ANKIB1: variants seen among roughly 807,000 people sequenced by gnomAD.
ANKIB1 encodes ankyrin repeat and IBR domain containing 1.
Under a neutral mutation model 122.1 loss-of-function variants are expected in ANKIB1, and 43 were observed. The observed-to-expected ratio is 0.35, with a 90% CI of 0.28 to 0.45. The LOEUF (loss-of-function observed/expected upper bound fraction) is 0.45. Ranked by LOEUF, ANKIB1 falls within the 20% of genes least tolerant of loss-of-function variation. The pLI is 1.00. For missense variants in ANKIB1, 992 were observed against 1,329.5 expected (o/e 0.75, Z 3.95); for synonymous variants, 390 against 442.0 (o/e 0.88, Z 1.48).
chr7:92,368,680 C>G (rs1028937628), intron 10 of ANKIB1, among the ~76,000 whole-genome samples: 1 of 151,008 alleles, frequency 6.6e-6, no homozygotes, highest in Non-Finnish European at 1.5e-5. Flanking sequence ...GAGATCATGC[C>G]ATTGCACTCC....
intron 5 of ANKIB1, among the ~76,000 whole-genome samples, chr7:92,333,865 G>A (rs562378853): frequency 9.2e-5 from 14 of 152,182 alleles, no homozygotes; most frequent in Admixed American, 4.6e-4. Context: ...TTATTAAAAA[G>A]TAGCATAATG....
intron 3 of ANKIB1, among the ~76,000 whole-genome samples, chr7:92,309,418 G>T (rs1028601858): frequency 5.3e-5 from 8 of 152,112 alleles, no homozygotes; most frequent in Non-Finnish European, 1.0e-4. Context: ...ATTCACTGTG[G>T]TGGAAGAATC....
intron 15 of ANKIB1, 147 bp from the exon 16 acceptor site, chr7:92,391,019 T>C: frequency 2.0e-6 from 1 of 511,440 alleles, no homozygotes. Flanking sequence ...AAATAGAAAA[T>C]ATATTACATA....
At chr7:92,256,383 T>G (rs1478628209) in intron 1 of ANKIB1, among the ~76,000 whole-genome samples, 2 of 152,230 alleles carry the variant, frequency 1.3e-5, no homozygotes, top group African/African-American at 4.8e-5. Context: ...GGGTGGGATC[T>G]GGAAGCAAGG....
At chr7:92,314,068 C>A (rs143386540) in intron 3 of ANKIB1, among the ~76,000 whole-genome samples, 1 of 151,960 alleles carries the variant, frequency 6.6e-6, no homozygotes, top group African/African-American at 2.4e-5. Context: ...TTGGCCGAGG[C>A]GGGAGCGTAT....
chr7:92,292,866 T>C (rs1434881229), intron 1 of ANKIB1, among the ~76,000 whole-genome samples: 9 of 152,242 alleles, frequency 5.9e-5, no homozygotes, highest in Admixed American at 5.9e-4. Flanking sequence ...CCAGTGGTTT[T>C]CTTGCAGTAA....
chr7:92,294,388 T>G (rs1027563857), intron 1 of ANKIB1: 2 of 152,428 alleles, frequency 1.3e-5, no homozygotes, highest in Admixed American at 1.3e-4. Context: ...ACATTTTAAG[T>G]CTTTTCTGTG....
intron 1 of ANKIB1, among the ~76,000 whole-genome samples, chr7:92,281,120 A>G (rs1017600540): frequency 3.3e-5 from 5 of 152,244 alleles, no homozygotes; most frequent in African/African-American, 1.2e-4. Flanking sequence ...TCTTCTTCCC[A>G]TGGAATCATA....
At chr7:92,380,334 T>G (rs1380755434) in intron 11 of ANKIB1, among the ~76,000 whole-genome samples, 1 of 152,158 alleles carries the variant, frequency 6.6e-6, no homozygotes, top group East Asian at 1.9e-4. Flanking sequence ...CCACAGAAAC[T>G]TCTGCAGACT....
chr7:92,399,076 A>T lies in ANKIB1; in HGVS notation c.*127A>T. The T allele has an allele frequency of 1.9e-6, 2 of 1,063,788 alleles. No homozygotes were observed. Among genetic ancestry groups the T allele is most frequent in the Non-Finnish European group, 2.5e-6 (2 of 798,506 alleles). The allele number at this position is 1,063,788 out of a possible 1,614,324, so 65.9% of individuals were successfully genotyped here. On this transcript the variant is annotated 3_prime_UTR_variant, in exon 20 of 20. Coordinates refer to ENST00000265742, the MANE Select transcript of ANKIB1 (RefSeq NM_019004.2). ...TAAACCACTGACATTAGGGTTGAAT[A>T]CAGAGAAGTTCCCTTGAATGGTAGC...
chr7:92,276,952 A>G (rs1169484424), intron 1 of ANKIB1, among the ~76,000 whole-genome samples: 1 of 152,202 alleles, frequency 6.6e-6, no homozygotes, highest in East Asian at 1.9e-4. Context: ...CGAATTTCTC[A>G]TGAATGGTTT....
intron 1 of ANKIB1, among the ~76,000 whole-genome samples, chr7:92,263,144 G>T (rs1801599211): frequency 1.3e-5 from 2 of 152,156 alleles, no homozygotes; most frequent in Non-Finnish European, 2.9e-5. Context: ...GGAATGAAAT[G>T]ACAGGAGGTA....
chr7:92,275,395 T>C (rs1801880593), intron 1 of ANKIB1, among the ~76,000 whole-genome samples: 1 of 152,188 alleles, frequency 6.6e-6, no homozygotes, highest in Non-Finnish European at 1.5e-5. Context: ...GTTTTAATGA[T>C]TTCTTCCTGT....
At chr7:92,338,928 AAAAAAATATATATATAT>A (rs1311546062) in intron 5 of ANKIB1, among the ~76,000 whole-genome samples, 2 of 42,888 alleles carry the variant, frequency 4.7e-5, no homozygotes, top group African/African-American at 1.6e-4. Flanking sequence ...AAAAAAAAAA[AAAAAAATATATATATAT>A]ATATATATAT....
At chr7:92,322,111 C>T (rs888193392) in intron 4 of ANKIB1, among the ~76,000 whole-genome samples, 7 of 152,104 alleles carry the variant, frequency 4.6e-5, no homozygotes, top group Admixed American at 3.9e-4. Flanking sequence ...CATTATCTTG[C>T]GTCAAACAGA....
At position 92,351,016 on chromosome 7, in the gene ANKIB1, C is replaced by T. The variant is rs1243027960; in HGVS notation, c.1152C>T (p.Phe384=). ...TTTTTTGCCCTGCATATGATTGCTTCCAACTTGTACCTGTGGATATCATAG... is the reference window on the plus strand; with the variant it reads ...TTTTTTGCCCTGCATATGATTGCTTTCAACTTGTACCTGTGGATATCATAG... ...HNIFCPAYDC[F]QLVPVDIIES... Residue 384 remains phenylalanine (F), a synonymous_variant, in exon 8 of 20, where the codon TTC becomes TTT. Coordinates refer to ENST00000265742, the MANE Select transcript of ANKIB1 (RefSeq NM_019004.2). The T allele has an allele frequency of 2.5e-6, 4 of 1,604,304 alleles. No homozygotes were observed. The highest frequency in any genetic ancestry group is 1.7e-5 in the Admixed American group (1 of 58,700).
At chr7:92,325,808 A>G (rs765654895) in intron 4 of ANKIB1, 11 of 284,932 alleles carry the variant, frequency 3.9e-5, no homozygotes, top group Middle Eastern at 1.3e-3. Context: ...AGTTTGTATA[A>G]TAGGCTGTTT....
At chr7:92,372,826 T>G (rs1410716971) in intron 11 of ANKIB1, among the ~76,000 whole-genome samples, 1 of 152,148 alleles carries the variant, frequency 6.6e-6, no homozygotes, top group African/African-American at 2.4e-5. Flanking sequence ...TTTTTTTGCT[T>G]TATCATTAGA....
At chr7:92,300,425 A>G (rs1802437231) in intron 2 of ANKIB1, among the ~76,000 whole-genome samples, 1 of 152,172 alleles carries the variant, frequency 6.6e-6, no homozygotes, top group Non-Finnish European at 1.5e-5. Flanking sequence ...TTAACATATT[A>G]AGCTAGAAAC....
Sources: gnomAD v4.1 joint callset for allele counts (sites outside exome capture counted in the v4.1 genomes callset) on GRCh38, gnomAD v4.1.1 for gene constraint, MANE v1.5 for transcripts, NCBI Gene and HGNC (gene_info 2026-07-23, HGNC 2026-07-21) for gene names.